The following CDC14A variants were observed in gnomAD, a reference collection of about 807,000 sequenced individuals.
CDC14A encodes cell division cycle 14A.
In CDC14A, 53 loss-of-function variants were observed where a neutral mutation model predicts 74.4. The ratio of observed to expected loss-of-function variants is 0.71; its 90% CI spans 0.57 to 0.89. The LOEUF (loss-of-function observed/expected upper bound fraction) is 0.89. Ranked by LOEUF, CDC14A falls within the 40% of genes least tolerant of loss-of-function variation. The probability of loss-of-function intolerance (pLI) is 0.00; values close to 1 mark genes in which losing one functional copy is unlikely to be tolerated. For synonymous variants in CDC14A, 247 were observed against 258.4 expected (o/e 0.96, Z 0.43); for missense variants, 646 against 713.7 (o/e 0.91, Z 1.08).
rs1427610246 is a variant in CDC14A, at chr1:100,445,426, G to T, written c.519+2430G>T. 2.6e-5 allele frequency among the ~76,000 whole-genome samples: 4 copies of T among 152,066 alleles called. No individual in the cohort carries two copies. In the South Asian group the frequency reaches 8.3e-4, roughly 32 times the overall value. On this transcript the variant is annotated intron_variant, in intron 7 of 15. Transcript: ENST00000336454. The stretch of plus-strand genomic sequence containing the variant: ...GAGTTTCAGACCCCACCAAAACCTG[G>T]ATCTCTGCCCCATGTATATGAACAT...
chr1:100,417,593 A>G (rs1661699041), intron 4 of CDC14A, among the ~76,000 whole-genome samples: 3 of 152,172 alleles, frequency 2.0e-5, no homozygotes, highest in Non-Finnish European at 2.9e-5. Context: ...GCAAATACAA[A>G]TCATATGACC....
intron 3 of CDC14A, among the ~76,000 whole-genome samples, chr1:100,389,899 T>A (rs185324543): frequency 8.1e-4 from 124 of 152,310 alleles, no homozygotes; most frequent in African/African-American, 2.9e-3. Flanking sequence ...TTTTGAAAAG[T>A]GAGGAAATCA....
chr1:100,397,874 C>G (rs1658739918), intron 4 of CDC14A, among the ~76,000 whole-genome samples: 1 of 152,192 alleles, frequency 6.6e-6, no homozygotes. Flanking sequence ...TTTAGACTGT[C>G]TAACCATGTC....
chr1:100,505,028 T>C (rs979439973), intron 15 of CDC14A: 1 of 1,182,414 alleles, frequency 8.5e-7, no homozygotes, highest in African/African-American at 1.6e-5. Context: ...ATATTGTCTG[T>C]GTATGTAAGA....
chr1:100,500,838 G>A (rs1378070429), intron 15 of CDC14A, among the ~76,000 whole-genome samples: 1 of 148,902 alleles, frequency 6.7e-6, no homozygotes, highest in Non-Finnish European at 1.5e-5. Flanking sequence ...GTGTGTGTGT[G>A]TGTGTGTGTG....
At chr1:100,349,198 GAA>G (rs991142923), upstream of CDC14A, among the ~76,000 whole-genome samples, 1 of 138,072 alleles carries the variant, frequency 7.2e-6, no homozygotes, top group Non-Finnish European at 1.6e-5. Flanking sequence ...TCCGTCTAGA[GAA>G]AAAAAAAAAA....
At chr1:100,459,410 G>GCA (rs959309777) in intron 8 of CDC14A, among the ~76,000 whole-genome samples, 5 of 152,110 alleles carry the variant, frequency 3.3e-5, no homozygotes, top group African/African-American at 1.2e-4. Context: ...AGAGTATTGG[G>GCA]CACACATAAT....
intron 1 of CDC14A, 139 bp downstream of exon 1, chr1:100,353,142 T>C (rs1232830955): frequency 1.1e-6 from 1 of 870,374 alleles, no homozygotes; most frequent in African/African-American, 1.7e-5. Context: ...CTAGGGACTC[T>C]CCTTTCTCCG....
intron 4 of CDC14A, chr1:100,393,942 C>A: frequency 4.5e-6 from 1 of 223,636 alleles, no homozygotes; most frequent in Non-Finnish European, 8.6e-6. Context: ...ACTCTGTTCC[C>A]CCTCCCCACC....
chr1:100,503,441 T>A (rs1571356099), intron 15 of CDC14A, among the ~76,000 whole-genome samples: 1 of 152,356 alleles, frequency 6.6e-6, no homozygotes, highest in Non-Finnish European at 1.5e-5. Context: ...TCTAATATTT[T>A]AAAAGCTACA....
Position 100,394,743 on chromosome 1 carries a change from G to C in CDC14A, c.309+3919G>C, listed in dbSNP as rs185070373. On this transcript the variant is annotated intron_variant, in intron 4 of 15. Transcript: ENST00000336454. ...AATTGATTTTTCTAATTTTGTAACT[G>C]TATTCCCCAGAGGGCTTTTTGACAC... 2.0e-5 allele frequency among the ~76,000 whole-genome samples: 3 copies of C among 152,280 alleles called. No individual in the cohort carries two copies. In the East Asian group the frequency reaches 5.8e-4, roughly 29 times the overall value.
rs137951912 is a variant in CDC14A, at chr1:100,356,591, C to T, written c.140+2739C>T. ...TCAGGGGGGACCAGGCATAGTGGCT[C>T]ACGCCTGTAATCACAGCACTTTGGG... On this transcript the variant is annotated intron_variant, in intron 2 of 15. Transcript: ENST00000336454. Among the ~76,000 whole-genome samples the T allele has an allele frequency of 5.8e-3, 888 of 152,162 alleles. 15 individuals carry two copies. The highest frequency in any genetic ancestry group is 0.021 in the African/African-American group (855 of 41,488).
chr1:100,350,430 G>T (rs1275998551), upstream of CDC14A, among the ~76,000 whole-genome samples: 1 of 152,128 alleles, frequency 6.6e-6, no homozygotes, highest in Non-Finnish European at 1.5e-5. Flanking sequence ...TACTTACAGA[G>T]TTTTATTATC....
At chr1:100,448,818 C>CA (rs1322156682) in intron 7 of CDC14A, among the ~76,000 whole-genome samples, 13 of 152,146 alleles carry the variant, frequency 8.5e-5, no homozygotes, top group Non-Finnish European at 1.5e-4. Flanking sequence ...TTGCTAGGCC[C>CA]AATGTTTCTT....
rs547154960 is a variant in CDC14A, at chr1:100,498,301, G to A, written c.1421+94G>A. ...TAGCTGCAGTTTTGTCAGAGGAGGG[G>A]ACAAGGGAGAAGAGGAGAAACCACG... On this transcript the variant is annotated intron_variant, in intron 14 of 15. Coordinates refer to ENST00000336454, the MANE Select transcript of CDC14A (RefSeq NM_003672.4). The A allele has an allele frequency of 2.8e-6, 4 of 1,405,744 alleles. No individual in the cohort carries two copies. The African/African-American group carries it at 4.3e-5, about 15-fold the overall frequency. The allele number at this position is 1,405,744 out of a possible 1,614,324, so 87.1% of individuals were successfully genotyped here.
intron 2 of CDC14A, among the ~76,000 whole-genome samples, chr1:100,370,239 C>T (rs1035937057): frequency 2.6e-5 from 4 of 151,876 alleles, no homozygotes; most frequent in South Asian, 4.2e-4. Context: ...CTGCCTTAGC[C>T]TCTCAAAGTG....
chr1:100,396,234 T>A (rs942254044), intron 4 of CDC14A, among the ~76,000 whole-genome samples: 2 of 152,162 alleles, frequency 1.3e-5, no homozygotes, highest in Admixed American at 1.3e-4. Flanking sequence ...CTTGGGGAAG[T>A]CTAGGGCCTA....
chr1:100,427,631 C>T (rs1246267602), intron 5 of CDC14A, among the ~76,000 whole-genome samples: 1 of 152,180 alleles, frequency 6.6e-6, no homozygotes, highest in Non-Finnish European at 1.5e-5. Flanking sequence ...ATGGCTGACT[C>T]TTCTCTTGAG....
chr1:100,468,333 C>G (rs1411189650), intron 10 of CDC14A, among the ~76,000 whole-genome samples: 1 of 152,152 alleles, frequency 6.6e-6, no homozygotes, highest in African/African-American at 2.4e-5. Flanking sequence ...CTCTGCCTAC[C>G]CTTTTTCTGT....
Sources: gnomAD v4.1 joint callset for allele counts (sites outside exome capture counted in the v4.1 genomes callset) on GRCh38, gnomAD v4.1.1 for gene constraint, MANE v1.5 for transcripts, NCBI Gene and HGNC (gene_info 2026-07-23, HGNC 2026-07-21) for gene names.